SUMF1: variants seen among roughly 807,000 people sequenced by gnomAD.
SUMF1 encodes formylglycine-generating enzyme.
SUMF1 carries 48 observed loss-of-function variants against 47.6 expected under a neutral mutation model. The ratio of observed to expected loss-of-function variants is 1.01; its 90% CI spans 0.80 to 1.28. The LOEUF is 1.28. Ranked by LOEUF, SUMF1 falls within the 50% of genes most tolerant of loss-of-function variation. The pLI is 0.00. For missense variants in SUMF1, 571 were observed against 485.4 expected (o/e 1.18, Z -1.66); for synonymous variants, 230 against 192.1 (o/e 1.20, Z -1.63).
intron 8 of SUMF1, among the ~76,000 whole-genome samples, chr3:4,154,310 TA>T (rs1216502770): frequency 1.3e-5 from 2 of 151,550 alleles, no homozygotes; most frequent in Non-Finnish European, 2.9e-5. Flanking sequence ...CTGGGGAAAC[TA>T]ACCTCACCAG....
intron 1 of SUMF1, among the ~76,000 whole-genome samples, chr3:4,465,194 T>C (rs1373602115): frequency 1.3e-5 from 2 of 152,198 alleles, no homozygotes; most frequent in South Asian, 2.1e-4. Flanking sequence ...AGGGACAGAC[T>C]GGCTTGGCGC....
intron 8 of SUMF1, among the ~76,000 whole-genome samples, chr3:4,373,370 C>T (rs1700225988): frequency 6.6e-6 from 1 of 151,912 alleles, no homozygotes; most frequent in African/African-American, 2.4e-5. Context: ...GGACAAATTC[C>T]TTAAAAGATA....
At chr3:4,360,205 C>CTTTTTT (rs57690047), downstream of SUMF1, among the ~76,000 whole-genome samples, 184 of 104,104 alleles carry the variant, frequency 1.8e-3, 14 homozygotes, top group African/African-American at 4.9e-3. Context: ...AATGTTTGTT[C>CTTTTTT]TTTTTTTTTT....
In SUMF1 at chr3:4,251,989, C is replaced by T. The variant is rs370701506; in HGVS notation, c.1014+124341G>A. 2.6e-4 allele frequency among the ~76,000 whole-genome samples: 40 copies of T among 152,322 alleles called. 1 individual carries two copies. The South Asian group carries it at 2.9e-3, about 11-fold the overall frequency. ...GGGAAAACCAAATTTTCATGTGACT[C>T]ACTTTATGACAATATTCAATTTGTT... is the stretch of plus-strand genomic sequence containing the variant. On this transcript the variant is annotated intron_variant and NMD_transcript_variant, in intron 8 of 12. Transcript: ENST00000448413.
At chr3:4,156,717 T>G (rs1694459546) in intron 8 of SUMF1, among the ~76,000 whole-genome samples, 1 of 151,680 alleles carries the variant, frequency 6.6e-6, no homozygotes, top group Non-Finnish European at 1.5e-5. Context: ...AGTAAGGAAA[T>G]TTAATAGACT....
chr3:4,447,384 A>G (rs1055128947), intron 3 of SUMF1, among the ~76,000 whole-genome samples: 6 of 152,166 alleles, frequency 3.9e-5, no homozygotes, highest in East Asian at 3.9e-4. Flanking sequence ...CTAGCACTCA[A>G]ACTTGCAAGA....
At chr3:4,144,080 T>G (rs1574922701) in intron 8 of SUMF1, among the ~76,000 whole-genome samples, 1 of 147,224 alleles carries the variant, frequency 6.8e-6, no homozygotes, top group East Asian at 2.1e-4. Flanking sequence ...AGCCTCTACC[T>G]CCTGGGCTCA....
At chr3:4,243,656 A>G (rs567435113) in intron 8 of SUMF1, among the ~76,000 whole-genome samples, 10 of 152,172 alleles carry the variant, frequency 6.6e-5, no homozygotes, top group Middle Eastern at 3.4e-3. Flanking sequence ...GTTCTTTTAC[A>G]TTTGCTGAGG....
chr3:4,048,897 C>T lies in SUMF1; in HGVS notation c.1191+19672G>A, dbSNP rs145099167. 7.7e-3 allele frequency among the ~76,000 whole-genome samples: 1,168 copies of T among 152,242 alleles called. 17 individuals are homozygous for T. The highest frequency in any genetic ancestry group is 0.026 in the African/African-American group (1,068 of 41,538). On this transcript the variant is annotated intron_variant and NMD_transcript_variant, in intron 9 of 12. Coordinates refer to the SUMF1 transcript ENST00000448413. The stretch of plus-strand genomic sequence containing the variant: ...CTGCACTTCATAGGAACTCAATAAA[C>T]ATTTACTGGATAAATTTTGCTTATC...
At chr3:4,356,925 C>T (rs1699631859), downstream of SUMF1, among the ~76,000 whole-genome samples, 1 of 152,200 alleles carries the variant, frequency 6.6e-6, no homozygotes, top group East Asian at 1.9e-4. Context: ...TGGCTCTGCA[C>T]TTCCTAAATC....
intron 1 of SUMF1, among the ~76,000 whole-genome samples, chr3:4,454,444 A>G (rs578023505): frequency 1.3e-5 from 2 of 152,374 alleles, no homozygotes; most frequent in South Asian, 4.1e-4. Context: ...AGTGCTGATG[A>G]GGATGTGAAG....
intron 8 of SUMF1, among the ~76,000 whole-genome samples, chr3:4,219,459 G>T (rs1028905002): frequency 2.6e-5 from 4 of 152,092 alleles, no homozygotes; most frequent in Non-Finnish European, 5.9e-5. Context: ...CCAGATGTTT[G>T]CACACTCAAC....
At chr3:4,114,283 T>A (rs1269091688) in intron 8 of SUMF1, among the ~76,000 whole-genome samples, 1 of 152,110 alleles carries the variant, frequency 6.6e-6, no homozygotes, top group Non-Finnish European at 1.5e-5. Flanking sequence ...TCAAAGCTTT[T>A]ATATTCTCTA....
rs182567367 is a variant in SUMF1, at chr3:4,327,481, G to C, written c.1014+48849C>G. On this transcript the variant is annotated intron_variant and NMD_transcript_variant, in intron 8 of 12. Coordinates refer to the SUMF1 transcript ENST00000448413. ...AGTAAAACAATAATTGTCTGTGGAT[G>C]ACAAAAGTCGTAGGACAGTCATGGT... Among the ~76,000 whole-genome samples the C allele has an allele frequency of 8.0e-4, 121 of 152,182 alleles. 6 individuals carry two copies. The East Asian group carries it at 0.014, about 18-fold the overall frequency.
intron 1 of SUMF1, among the ~76,000 whole-genome samples, chr3:4,455,152 A>G (rs1018729916): frequency 6.6e-6 from 1 of 152,240 alleles, no homozygotes; most frequent in Non-Finnish European, 1.5e-5. Flanking sequence ...TACAGACACA[A>G]TGTCTTATTT....
intron 8 of SUMF1, among the ~76,000 whole-genome samples, chr3:4,269,615 C>A (rs13074934): frequency 6.6e-6 from 1 of 151,800 alleles, no homozygotes; most frequent in African/African-American, 2.4e-5. Flanking sequence ...AGACCAGAAG[C>A]GGGGGAAAGA....
chr3:4,426,124 G>C (rs764113999), intron 3 of SUMF1, among the ~76,000 whole-genome samples: 1 of 152,138 alleles, frequency 6.6e-6, no homozygotes, highest in East Asian at 1.9e-4. Context: ...AACCATATCA[G>C]GGAGGGTGTG....
intron 8 of SUMF1, among the ~76,000 whole-genome samples, chr3:4,271,498 GATA>G (rs1559637600): frequency 2.0e-4 from 30 of 151,776 alleles, no homozygotes; most frequent in East Asian, 5.9e-4. Flanking sequence ...TAGATAGATA[GATA>G]GATAGATAGA....
rs183932581 is a variant in SUMF1 at position 4,117,859 on chromosome 3, T to C, written c.1015-49114A>G. ...ATTTCCATTGGCTACATGGTTCTAATTGGTATTCAAGTTGAGACGGCATGA... is the reference window on the plus strand; with the variant it reads ...ATTTCCATTGGCTACATGGTTCTAACTGGTATTCAAGTTGAGACGGCATGA... On this transcript the variant is annotated intron_variant and NMD_transcript_variant, in intron 8 of 12. Transcript: ENST00000448413. Among the ~76,000 whole-genome samples, 427 of 152,158 alleles carry C rather than the reference T, an allele frequency of 2.8e-3. 2 individuals are homozygous for C. The highest frequency in any genetic ancestry group is 3.8e-3 in the Non-Finnish European group (256 of 67,996).
Sources: allele counts gnomAD v4.1 joint callset (sites outside exome capture counted in the v4.1 genomes callset), GRCh38; gene constraint gnomAD v4.1.1; transcripts MANE v1.5; gene names NCBI Gene and HGNC (gene_info 2026-07-23, HGNC 2026-07-21).